The following FREM3 variants were observed in gnomAD, a reference collection of about 807,000 sequenced individuals.
FREM3 encodes the protein FRAS1-related extracellular matrix protein 3.
A neutral mutation model predicts 129.1 loss-of-function variants in FREM3; 105 were observed. That is an observed-to-expected ratio of 0.81 (90% confidence interval 0.69 to 0.96). The LOEUF is 0.96. Ranked by LOEUF, FREM3 falls within the 40% of genes least tolerant of loss-of-function variation. The probability of loss-of-function intolerance (pLI) is 0.00; values close to 1 mark genes in which losing one functional copy is unlikely to be tolerated. For synonymous variants in FREM3, 1,014 were observed against 1,044.9 expected, an observed-to-expected ratio of 0.97 and a Z score of 0.57; for missense variants, 2,593 against 2,666.3, an observed-to-expected ratio of 0.97 and a Z score of 0.61.
In FREM3 at chr4:143,696,429, T is replaced by C. The variant is rs1333160398; in HGVS notation, c.4247A>G (p.Tyr1416Cys). 6 of 1,537,610 alleles carry C rather than the reference T, an allele frequency of 3.9e-6. No individual in the cohort carries two copies. Among genetic ancestry groups the C allele is most frequent in the East Asian group, 2.4e-5 (1 of 40,916 alleles). ...GVNTLTDHYF[Y>C]VTIGNLDSVF... ...GCTGTCTAAGTTGCCAATGGTGACA[T>C]AGAAGTAGTGGTCTGTCAAAGTGTT... Residue 1416 changes from tyrosine to cysteine, a missense_variant, in exon 1 of 8, where the codon TAT becomes TGT. Physicochemically the swap from Tyr to Cys is radical, Grantham distance 194. This residue lies in a region of FREM3 where 2,276 missense variants were observed against 2,267.2 expected (regional missense o/e 1.00). Coordinates refer to ENST00000329798, the MANE Select transcript of FREM3 (RefSeq NM_001168235.2).
intron 2 of FREM3, among the ~76,000 whole-genome samples, chr4:143,629,866 C>T (rs1378737050): frequency 5.9e-5 from 9 of 152,138 alleles, no homozygotes; most frequent in Admixed American, 5.9e-4. Context: ...GTCTTTCACT[C>T]TGAGCTGCCA....
At chr4:143,588,249 T>A (rs184204691) in intron 6 of FREM3, among the ~76,000 whole-genome samples, 18 of 152,276 alleles carry the variant, frequency 1.2e-4, no homozygotes, top group East Asian at 3.9e-4. Context: ...GTGTTTTTTT[T>A]ATTATTATTA....
intron 2 of FREM3, among the ~76,000 whole-genome samples, chr4:143,640,332 A>G (rs980391049): frequency 1.3e-5 from 2 of 152,136 alleles, no homozygotes; most frequent in Admixed American, 6.5e-5. Context: ...CTTTCTGGAG[A>G]AAAAAATGAC....
intron 2 of FREM3, among the ~76,000 whole-genome samples, chr4:143,676,069 T>C (rs1277379924): frequency 3.9e-5 from 6 of 152,088 alleles, no homozygotes; most frequent in African/African-American, 9.7e-5. Flanking sequence ...GATACCAAAG[T>C]CTGGCAGAGA....
Position 143,641,723 on chromosome 4 carries a change from A to G in FREM3, c.5276-13963T>C, listed in dbSNP as rs374534588. ...TTTGCCAGAAATTCCTTCCTGCCAG[A>G]CCACAAATCAATAATTGTTAGTTAA... On this transcript the variant is annotated intron_variant, in intron 2 of 7. Coordinates refer to ENST00000329798, the MANE Select transcript of FREM3 (RefSeq NM_001168235.2). Among the ~76,000 whole-genome samples, 6 of 152,290 alleles carry G rather than the reference A, an allele frequency of 3.9e-5. No homozygotes were observed. In the East Asian group the frequency reaches 1.2e-3, roughly 29 times the overall value.
intron 5 of FREM3, among the ~76,000 whole-genome samples, chr4:143,613,985 T>C (rs1438065676): frequency 6.6e-6 from 1 of 152,232 alleles, no homozygotes; most frequent in African/African-American, 2.4e-5. Flanking sequence ...CTTTTTCTGT[T>C]TAATTTTTTT....
rs114231824 is a variant in FREM3 at position 143,696,640 on chromosome 4, G to A, written c.4036C>T (p.Leu1346Phe). The change falls in exon 1 of 8, where the codon CTC (leucine) becomes TTC (phenylalanine). Residue 1346 changes from leucine to phenylalanine, a missense_variant. Physicochemically the swap from Leu to Phe is conservative, Grantham distance 22 (BLOSUM62 0). Around this residue, in one of 2 missense-constraint regions of FREM3, gnomAD observed 2,276 missense variants for 2,267.2 expected, o/e 1.00. Transcript: ENST00000329798. Reference sequence around the variant, plus strand: ...AGCCCTTGTTGAGGCCCAGAATGGAGGACAAAACTGAGGCTTTTATCATCT... The same window carrying A: ...AGCCCTTGTTGAGGCCCAGAATGGAAGACAAAACTGAGGCTTTTATCATCT... Reference protein sequence around the residue: ...DSDDKSLSFVLHSGPQQGLLQ... With the variant: ...DSDDKSLSFVFHSGPQQGLLQ... The A allele has an allele frequency of 4.1e-4, 626 of 1,537,818 alleles. 5 individuals are homozygous for A. The African/African-American group carries it at 7.7e-3, about 19-fold the overall frequency.
chr4:143,675,284 A>G (rs1424179588), intron 2 of FREM3, among the ~76,000 whole-genome samples: 1 of 152,206 alleles, frequency 6.6e-6, no homozygotes, highest in Non-Finnish European at 1.5e-5. Context: ...CTGCTCCTGA[A>G]TGACTACTGG....
intron 2 of FREM3, among the ~76,000 whole-genome samples, chr4:143,645,360 ATAGT>A (rs1389344044): frequency 3.3e-5 from 5 of 152,210 alleles, no homozygotes; most frequent in Non-Finnish European, 4.4e-5. Flanking sequence ...AGTCACTGGG[ATAGT>A]TAATTTCATG....
rs530588675 is a variant in FREM3 at position 143,675,221 on chromosome 4, T to A, written c.5275+17892A>T. Among the ~76,000 whole-genome samples the A allele has an allele frequency of 4.7e-3, 708 of 152,106 alleles. 4 individuals carry two copies. The highest frequency in any genetic ancestry group is 0.016 in the African/African-American group (646 of 41,478). On this transcript the variant is annotated intron_variant, in intron 2 of 7. Transcript: ENST00000329798. ...GACCACAGTGCAATCAAACTAGAACTCAGGATTAAGAAACTCACTCAAAAC... is the reference window on the plus strand; with the variant it reads ...GACCACAGTGCAATCAAACTAGAACACAGGATTAAGAAACTCACTCAAAAC...
intron 6 of FREM3, among the ~76,000 whole-genome samples, chr4:143,600,749 G>A (rs995640657): frequency 3.9e-5 from 6 of 152,092 alleles, no homozygotes; most frequent in Non-Finnish European, 7.4e-5. Context: ...TAAAATAAAT[G>A]TAACATAACT....
At position 143,697,218 on chromosome 4, in the gene FREM3, T is replaced by C; in HGVS notation, c.3458A>G (p.Gln1153Arg). 6.5e-7 allele frequency: 1 copy of C among 1,537,786 alleles called. No homozygotes were observed. The highest frequency in any genetic ancestry group is 8.7e-7 in the Non-Finnish European group (1 of 1,146,976). The change falls in exon 1 of 8, where the codon CAG becomes CGG. Residue 1153 changes from glutamine to arginine, a missense_variant. Coordinates refer to ENST00000329798, the MANE Select transcript of FREM3 (RefSeq NM_001168235.2). ...TGGCTCTACTCCCTTGTGAATACTC[T>C]GTACATAATTGATATGCCTCACTTG... ...DIQVRHINYV[Q>R]SIHKGVEPQE...
chr4:143,598,480 T>C (rs1738520551), intron 6 of FREM3, among the ~76,000 whole-genome samples: 1 of 152,158 alleles, frequency 6.6e-6, no homozygotes, highest in Non-Finnish European at 1.5e-5. Flanking sequence ...TTGTTAGTGC[T>C]CAGTGACAGG....
rs1560876792 is a variant in FREM3 at position 143,696,781 on chromosome 4, C to A, written c.3895G>T (p.Val1299Leu). ...GGAGTTTCATCATCCACTAGGGTCA[C>A]TACAATGGGTACCTTCCTGTGGGTT... is the stretch of plus-strand genomic sequence containing the variant. ...HTTHRKVPIV[V>L]TLVDDETPHL... Residue 1299 changes from valine (V) to leucine (L), a missense_variant, in exon 1 of 8, where the codon GTG (valine) becomes TTG (leucine). Physicochemically the swap from Val to Leu is conservative, Grantham distance 32 (BLOSUM62 1). Transcript: ENST00000329798. 6.5e-7 allele frequency: 1 copy of A among 1,537,836 alleles called. No individual in the cohort carries two copies. Among genetic ancestry groups the A allele is most frequent in the Non-Finnish European group, 8.7e-7 (1 of 1,147,052 alleles).
At chr4:143,617,951 A>G (rs1275039116) in intron 5 of FREM3, among the ~76,000 whole-genome samples, 1 of 152,180 alleles carries the variant, frequency 6.6e-6, no homozygotes, top group East Asian at 1.9e-4. Context: ...TATTAGTGAC[A>G]CATTCTCTGT....
intron 7 of FREM3, among the ~76,000 whole-genome samples, chr4:143,584,709 T>C (rs1417340961): frequency 6.6e-6 from 1 of 152,122 alleles, no homozygotes; most frequent in Non-Finnish European, 1.5e-5. Flanking sequence ...TTGACAGTAT[T>C]AGACAGACCA....
At chr4:143,610,457 G>A (rs1165254865) in intron 6 of FREM3, among the ~76,000 whole-genome samples, 2 of 152,082 alleles carry the variant, frequency 1.3e-5, no homozygotes, top group African/African-American at 4.8e-5. Flanking sequence ...TTTAATGTAA[G>A]CTTTGTGGTG....
intron 6 of FREM3, among the ~76,000 whole-genome samples, chr4:143,603,863 A>C (rs1738620208): frequency 6.6e-6 from 1 of 152,030 alleles, no homozygotes; most frequent in Non-Finnish European, 1.5e-5. Flanking sequence ...ACCACTAACC[A>C]ATGTTATTTC....
intron 4 of FREM3, 38 bp downstream of exon 4, chr4:143,624,070 G>T: frequency 8.2e-7 from 1 of 1,212,908 alleles, no homozygotes; most frequent in Non-Finnish European, 1.2e-6. Flanking sequence ...CCAAGAACCT[G>T]TACTGGTTAA....
Sources: gnomAD v4.1 joint callset for allele counts (sites outside exome capture counted in the v4.1 genomes callset) on GRCh38, gnomAD v4.1.1 for gene constraint, gnomAD v4.1.1 regional missense constraint, MANE v1.5 for transcripts, NCBI Gene and HGNC (gene_info 2026-07-23, HGNC 2026-07-21) for gene names.